Variants in PRDM5 observed in about 807,000 individuals in gnomAD.
PRDM5 encodes PR/SET domain 5, also known as PR domain zinc finger protein 5.
A neutral mutation model predicts 81.2 loss-of-function variants in PRDM5; 56 were observed. The ratio of observed to expected loss-of-function variants is 0.69; its 90% CI spans 0.56 to 0.86. The LOEUF (loss-of-function observed/expected upper bound fraction) is 0.86, where lower values mean the gene tolerates loss of function less well. Among genes scored for constraint, PRDM5 ranks in the 40% least tolerant of loss-of-function variants. The pLI is 0.00. For missense variants in PRDM5, 697 were observed against 770.1 expected (o/e 0.91, Z 1.12); for synonymous variants, 267 against 256.4 (o/e 1.04, Z -0.39).
chr4:120,814,211 T>C (rs1754205258), intron 7 of PRDM5, among the ~76,000 whole-genome samples: 1 of 152,148 alleles, frequency 6.6e-6, no homozygotes, highest in Admixed American at 6.5e-5. Flanking sequence ...GCCCCTTCAC[T>C]CTGTTCCCTC....
In PRDM5 at chr4:120,693,187, G is replaced by A. The variant is rs2148981433; in HGVS notation, c.*1924C>T. The A allele has an allele frequency of 6.6e-6, 1 of 152,136 alleles. No individual in the cohort carries two copies. Among genetic ancestry groups the A allele is most frequent in the African/African-American group, 2.4e-5 (1 of 41,522 alleles). 9.4% of individuals were successfully genotyped at this position (152,136 alleles called of 1,614,324 possible). On this transcript the variant is annotated 3_prime_UTR_variant, in exon 16 of 16. Coordinates refer to ENST00000264808, the MANE Select transcript of PRDM5 (RefSeq NM_018699.4). Reference sequence around the variant, plus strand: ...TTTCCCCAGCAGCCATGTGAACTGTGACTCACTGAGATTACACAAAATTGG... The same window carrying A: ...TTTCCCCAGCAGCCATGTGAACTGTAACTCACTGAGATTACACAAAATTGG...
At chr4:120,862,822 A>G (rs1760755692) in intron 2 of PRDM5, among the ~76,000 whole-genome samples, 1 of 152,136 alleles carries the variant, frequency 6.6e-6, no homozygotes, top group Non-Finnish European at 1.5e-5. Context: ...TTCCTTGTAC[A>G]GAAACGTCAC....
intron 14 of PRDM5, among the ~76,000 whole-genome samples, chr4:120,712,859 G>A (rs1030046844): frequency 6.6e-6 from 1 of 152,174 alleles, no homozygotes; most frequent in African/African-American, 2.4e-5. Flanking sequence ...ATTCTCCAGT[G>A]ATGGATAGCT....
intron 10 of PRDM5, among the ~76,000 whole-genome samples, chr4:120,788,451 C>T (rs1215617498): frequency 6.6e-6 from 1 of 152,138 alleles, no homozygotes; most frequent in Non-Finnish European, 1.5e-5. Flanking sequence ...TGTTTGCTTT[C>T]TTCTTTATAC....
chr4:120,686,916 C>T (rs1434858370), downstream of PRDM5, among the ~76,000 whole-genome samples: 1 of 151,872 alleles, frequency 6.6e-6, no homozygotes, highest in Non-Finnish European at 1.5e-5. Context: ...ACATCTTTAT[C>T]CATTTAGAGA....
intron 2 of PRDM5, among the ~76,000 whole-genome samples, chr4:120,887,389 G>T (rs1763555534): frequency 6.6e-6 from 1 of 152,108 alleles, no homozygotes; most frequent in Admixed American, 6.6e-5. Flanking sequence ...CTTGACTACA[G>T]CAACAGACAT....
chr4:120,885,890 T>C (rs977167887), intron 2 of PRDM5: 11 of 152,192 alleles, frequency 7.2e-5, no homozygotes, highest in Admixed American at 3.3e-4. Context: ...TTATGTGTTT[T>C]TTTTTCTTTT....
chr4:120,819,539 T>A (rs564949596), intron 4 of PRDM5, among the ~76,000 whole-genome samples: 25 of 152,082 alleles, frequency 1.6e-4, no homozygotes, highest in East Asian at 7.7e-4. Flanking sequence ...AATAAAATTT[T>A]AAAAAAACCA....
At chr4:120,775,430 G>A (rs1487841408) in intron 13 of PRDM5, among the ~76,000 whole-genome samples, 2 of 151,932 alleles carry the variant, frequency 1.3e-5, no homozygotes, top group Non-Finnish European at 2.9e-5. Flanking sequence ...ATAAAATGTA[G>A]GCATACAATA....
chr4:120,836,053 G>A (rs186718516), intron 3 of PRDM5, among the ~76,000 whole-genome samples: 50 of 152,190 alleles, frequency 3.3e-4, no homozygotes, highest in African/African-American at 1.1e-3. Flanking sequence ...GGCAGAGAAC[G>A]TTGGAGGTAA....
intron 10 of PRDM5, 149 bp downstream of exon 10, chr4:120,798,118 T>C (rs1354323787): frequency 1.9e-6 from 1 of 513,108 alleles, no homozygotes; most frequent in East Asian, 3.3e-5. Flanking sequence ...AAGGAGGCTG[T>C]GAGGGGTTAT....
At chr4:120,876,953 T>C (rs928033340) in intron 2 of PRDM5, among the ~76,000 whole-genome samples, 4 of 152,170 alleles carry the variant, frequency 2.6e-5, no homozygotes, top group Admixed American at 6.6e-5. Context: ...CAAACTCTTA[T>C]AGGACATTCT....
chr4:120,898,349 T>A (rs1047256424), intron 2 of PRDM5, among the ~76,000 whole-genome samples: 1 of 152,018 alleles, frequency 6.6e-6, no homozygotes, highest in Non-Finnish European at 1.5e-5. Flanking sequence ...TCTGCAAATG[T>A]CTTGAGAAGG....
At chr4:120,724,512 A>G (rs567175705) in intron 14 of PRDM5, among the ~76,000 whole-genome samples, 7 of 152,226 alleles carry the variant, frequency 4.6e-5, no homozygotes, top group Non-Finnish European at 1.0e-4. Flanking sequence ...AGACTCTTAC[A>G]TTTAAGAAGC....
At chr4:120,889,660 A>G (rs998702285) in intron 2 of PRDM5, among the ~76,000 whole-genome samples, 19 of 152,278 alleles carry the variant, frequency 1.2e-4, no homozygotes, top group Admixed American at 9.2e-4. Context: ...ACGGTTTGGT[A>G]TACAGATTAT....
At chr4:120,883,595 G>T (rs13115052) in intron 2 of PRDM5, among the ~76,000 whole-genome samples, 56,955 of 122,146 alleles carry the variant, frequency 0.47, 12,836 homozygotes, top group East Asian at 0.57. Flanking sequence ...GGTGGGGGGA[G>T]GGGGGAGGGA....
intron 7 of PRDM5, among the ~76,000 whole-genome samples, chr4:120,815,735 T>A (rs1561355276): frequency 6.6e-6 from 1 of 152,178 alleles, no homozygotes; most frequent in East Asian, 1.9e-4. Flanking sequence ...CAGGGTTTCA[T>A]AAATCTCAAC....
chr4:120,836,922 CATT>C (rs1389149221), intron 3 of PRDM5, among the ~76,000 whole-genome samples: 2 of 152,130 alleles, frequency 1.3e-5, no homozygotes, highest in East Asian at 1.9e-4. Flanking sequence ...CTATTTTTAT[CATT>C]ATTATTAATA....
At position 120,693,051 on chromosome 4, in the gene PRDM5, C is replaced by T. The variant is rs1734179087; in HGVS notation, c.*2060G>A. 1 of 150,576 alleles carries T rather than the reference C, an allele frequency of 6.6e-6. No homozygotes were observed. The highest frequency in any genetic ancestry group is 2.4e-5 in the African/African-American group (1 of 40,884). 9.3% of individuals were successfully genotyped at this position (150,576 alleles called of 1,614,324 possible). ...CCACTCTCTGGTGTAGGTCCTTCTA[C>T]ACCATTTTCTAAAGATTTCCATGTC... is the stretch of plus-strand genomic sequence containing the variant. On this transcript the variant is annotated 3_prime_UTR_variant, in exon 16 of 16. Coordinates refer to ENST00000264808, the MANE Select transcript of PRDM5 (RefSeq NM_018699.4).
Sources: allele counts gnomAD v4.1 joint callset (sites outside exome capture counted in the v4.1 genomes callset), GRCh38; gene constraint gnomAD v4.1.1; transcripts MANE v1.5; gene names NCBI Gene and HGNC (gene_info 2026-07-23, HGNC 2026-07-21).